NEXMIF: variants seen among roughly 807,000 people sequenced by gnomAD.
NEXMIF encodes the protein neurite extension and migration factor.
NEXMIF carries 8 observed loss-of-function variants against 62.1 expected under a neutral mutation model. The ratio of observed to expected loss-of-function variants is 0.13; its 90% confidence interval spans 0.08 to 0.23. The LOEUF (loss-of-function observed/expected upper bound fraction) is 0.23. Ranked by LOEUF, NEXMIF falls within the 10% of genes least tolerant of loss-of-function variation. The pLI is 1.00. For synonymous variants in NEXMIF, 404 were observed against 416.6 expected, an observed-to-expected ratio of 0.97 and a Z score of 0.37; for missense variants, 976 against 1,113.3, an observed-to-expected ratio of 0.88 and a Z score of 1.75.
intron 1 of NEXMIF, among the ~76,000 whole-genome samples, chrX:74,861,077 C>A (rs2147499455): frequency 9.0e-6 from 1 of 111,651 alleles, no homozygotes; most frequent in South Asian, 3.7e-4. Context: ...TAACCCAAAG[C>A]AAAGATGCTA....
chrX:74,915,202 C>A (rs1225554232), intron 1 of NEXMIF, among the ~76,000 whole-genome samples: 10 of 111,356 alleles, frequency 9.0e-5, no homozygotes, highest in African/African-American at 2.9e-4. Context: ...TTTGGGAGGC[C>A]AAGGCAGGAG....
At chrX:74,874,944 G>A (rs1023982210) in intron 1 of NEXMIF, among the ~76,000 whole-genome samples, 2 of 110,327 alleles carry the variant, frequency 1.8e-5, no homozygotes, top group African/African-American at 3.3e-5. Context: ...TGCAAACAGG[G>A]ACAATTTGAC....
At chrX:74,899,007 G>A (rs73502812) in intron 1 of NEXMIF, among the ~76,000 whole-genome samples, 9,141 of 111,160 alleles carry the variant, frequency 0.082, 925 homozygotes, top group African/African-American at 0.28. Context: ...GACATCCTGC[G>A]TTCATGGATT....
intron 1 of NEXMIF, among the ~76,000 whole-genome samples, chrX:74,821,650 G>A (rs1411918224): frequency 9.0e-6 from 1 of 111,650 alleles, no homozygotes; most frequent in Non-Finnish European, 1.9e-5. Context: ...TTTTACCTAA[G>A]TAGCAAGATT....
intron 1 of NEXMIF, among the ~76,000 whole-genome samples, chrX:74,877,135 G>A (rs2080638949): frequency 9.0e-6 from 1 of 111,656 alleles, no homozygotes; most frequent in Non-Finnish European, 1.9e-5. Context: ...GGTACAGGTC[G>A]TTCCTTTCCA....
At chrX:74,817,654 T>A (rs2080380328) in intron 1 of NEXMIF, among the ~76,000 whole-genome samples, 1 of 111,562 alleles carries the variant, frequency 9.0e-6, no homozygotes, top group Non-Finnish European at 1.9e-5. Context: ...AATAGAAGTA[T>A]ATTTACTCTT....
chrX:74,868,346 A>G (rs143171008), intron 1 of NEXMIF, among the ~76,000 whole-genome samples: 108 of 112,129 alleles, frequency 9.6e-4, no homozygotes, highest in African/African-American at 3.2e-3. Context: ...TTGCAGCACT[A>G]TTCACAATAG....
At chrX:74,805,805 T>A (rs1033567130) in intron 1 of NEXMIF, among the ~76,000 whole-genome samples, 7 of 112,170 alleles carry the variant, frequency 6.2e-5, no homozygotes, top group African/African-American at 2.3e-4. Context: ...TTTGGCTTCA[T>A]TTCTTGGCTC....
At chrX:74,853,482 G>A (rs2147495458) in intron 1 of NEXMIF, among the ~76,000 whole-genome samples, 1 of 108,772 alleles carries the variant, frequency 9.2e-6, no homozygotes, top group Admixed American at 9.8e-5. Context: ...GATGGGAGAT[G>A]CCACATTGAA....
chrX:74,770,652 C>A (rs1208070326), intron 1 of NEXMIF, among the ~76,000 whole-genome samples: 1 of 111,661 alleles, frequency 9.0e-6, no homozygotes, highest in Non-Finnish European at 1.9e-5. Context: ...AATATCTTGT[C>A]AAGGATTATA....
intron 1 of NEXMIF, among the ~76,000 whole-genome samples, chrX:74,901,975 G>A (rs1259093088): frequency 6.3e-5 from 7 of 111,092 alleles, no homozygotes; most frequent in Non-Finnish European, 1.3e-4. Flanking sequence ...TTATAGCTCA[G>A]AAATGTCGTA....
At position 74,878,326 on chromosome X, in the gene NEXMIF, TGAG is replaced by T. The variant is rs1291978495; in HGVS notation, c.-48+46554_-48+46556del. Among the ~76,000 whole-genome samples, 5 of 112,167 alleles carry T rather than the reference TGAG, an allele frequency of 4.5e-5. No individual in the cohort carries two copies. In the South Asian group the frequency reaches 1.5e-3, roughly 33 times the overall value. On this transcript the variant is annotated intron_variant, in intron 1 of 3. Transcript: ENST00000055682. ...AGGGGTCAGGGGTCAGGGACCCACT[TGAG>T]GAGGCAGTCTGCCCGTTCTCAGATC...
chrX:74,884,339 G>A (rs1330192411), intron 1 of NEXMIF, among the ~76,000 whole-genome samples: 7 of 111,442 alleles, frequency 6.3e-5, no homozygotes, highest in African/African-American at 2.0e-4. Flanking sequence ...CAATTAAAAG[G>A]AACAGACTGG....
chrX:74,861,432 C>T (rs2080557175), intron 1 of NEXMIF, among the ~76,000 whole-genome samples: 1 of 111,700 alleles, frequency 9.0e-6, no homozygotes, highest in Non-Finnish European at 1.9e-5. Context: ...TACAGAATAT[C>T]ATCCAGGAGA....
chrX:74,825,137 AACAATT>A (rs1463286983), intron 1 of NEXMIF, among the ~76,000 whole-genome samples: 1 of 111,767 alleles, frequency 8.9e-6, no homozygotes, highest in African/African-American at 3.3e-5. Context: ...GGCTTTCCCT[AACAATT>A]AGCAATATTG....
chrX:74,828,934 G>A (rs1018457759), intron 1 of NEXMIF, among the ~76,000 whole-genome samples: 2 of 111,813 alleles, frequency 1.8e-5, no homozygotes, highest in Admixed American at 1.9e-4. Flanking sequence ...ACTCATGACC[G>A]ACAACACCTG....
chrX:74,882,981 G>A (rs933068585), intron 1 of NEXMIF, among the ~76,000 whole-genome samples: 6 of 111,233 alleles, frequency 5.4e-5, no homozygotes, highest in African/African-American at 1.3e-4. Flanking sequence ...CAGCATTTGC[G>A]GTTCACCAAT....
rs1405455729 is a variant in NEXMIF at position 74,793,210 on chromosome X, T to G, written c.-47-47513A>C. On this transcript the variant is annotated intron_variant, in intron 1 of 3. Coordinates refer to ENST00000055682, the MANE Select transcript of NEXMIF (RefSeq NM_001008537.3). ...TCTCAGCATTTGCTTGTCTGTAAAG[T>G]ATTTAATTTCTCCTTCACTTATGAA... 2.2e-3 allele frequency among the ~76,000 whole-genome samples: 240 copies of G among 109,310 alleles called. 2 individuals carry two copies. Among genetic ancestry groups the G allele is most frequent in the African/African-American group, 7.4e-3 (220 of 29,853 alleles). The allele number at this position is 109,310 out of a possible 115,157, so 94.9% of individuals were successfully genotyped here. A position where few individuals can be genotyped will look rare whatever the true frequency, so the allele number is the denominator to read the frequency against.
rs1381067476 is a variant in NEXMIF, at chrX:74,742,608, C to T, written c.1949G>A (p.Ser650Asn). The change falls in exon 3 of 4, where the codon AGT becomes AAT. Residue 650 changes from serine (S) to asparagine (N), a missense_variant. By Grantham distance (46) the Ser-to-Asn change is conservative. Transcript: ENST00000055682. ...RIPSIEISAS[S>N]KQISLCNDQR... ...ATCATTACATAATGAAATCTGTTTA[C>T]TACTTGCTGAAATTTCAATGGATGG... 8.3e-7 allele frequency: 1 copy of T among 1,210,932 alleles called. No individual in the cohort carries two copies. The highest frequency in any genetic ancestry group is 1.7e-5 in the African/African-American group (1 of 57,809).
Sources: allele counts gnomAD v4.1 joint callset (sites outside exome capture counted in the v4.1 genomes callset), GRCh38; gene constraint gnomAD v4.1.1; transcripts MANE v1.5; gene names NCBI Gene and HGNC (gene_info 2026-07-23, HGNC 2026-07-21).